TTLL5: variants seen among roughly 807,000 people sequenced by gnomAD.
TTLL5 encodes tubulin tyrosine ligase like 5.
TTLL5 carries 132 observed loss-of-function variants against 168.4 expected under a neutral mutation model. The ratio of observed to expected loss-of-function variants is 0.78; its 90% confidence interval spans 0.68 to 0.91. The LOEUF (loss-of-function observed/expected upper bound fraction) is 0.91. Among genes scored for constraint, TTLL5 ranks in the 40% least tolerant of loss-of-function variants. TTLL5 has a pLI of 0.00. For synonymous variants in TTLL5, 546 were observed against 558.6 expected (o/e 0.98, Z 0.32); for missense variants, 1,545 against 1,581.5 (o/e 0.98, Z 0.39).
chr14:75,930,627 G>T (rs117930465), intron 31 of TTLL5: 20,470 of 985,248 alleles, frequency 0.021, 225 homozygotes, highest in Non-Finnish European at 0.023. Context: ...GGAACAAGTG[G>T]ATCAGAGGTC....
chr14:75,717,792 A>G, intron 9 of TTLL5, 69 bp from the exon 10 acceptor site: 1 of 1,428,754 alleles, frequency 7.0e-7, no homozygotes, highest in Non-Finnish European at 9.8e-7. Context: ...TATCTCATTG[A>G]TCCTCAGTTC....
chr14:75,664,932 G>A (rs1476909093), intron 2 of TTLL5, among the ~76,000 whole-genome samples: 1 of 152,170 alleles, frequency 6.6e-6, no homozygotes, highest in Admixed American at 6.5e-5. Flanking sequence ...TGCCATTTTG[G>A]TAGGTCAGAA....
chr14:75,877,531 T>G (rs948733410), intron 29 of TTLL5, among the ~76,000 whole-genome samples: 2 of 152,174 alleles, frequency 1.3e-5, no homozygotes, highest in Non-Finnish European at 2.9e-5. Context: ...TATGGCTGTT[T>G]CCCACACCCA....
In TTLL5 at chr14:75,779,533, G is replaced by C. The variant is rs755795321; in HGVS notation, c.2388-42G>C. On this transcript the variant is annotated intron_variant, in intron 23 of 31. Coordinates refer to ENST00000298832, the MANE Select transcript of TTLL5 (RefSeq NM_015072.5). ...TAAAATCTGGTGGAAAGATTTTCCAGAATAGCTTCCTGTCTGACCATACTT... is the reference window on the plus strand; with the variant it reads ...TAAAATCTGGTGGAAAGATTTTCCACAATAGCTTCCTGTCTGACCATACTT... 4.4e-6 allele frequency: 7 copies of C among 1,591,938 alleles called. No homozygotes were observed. The East Asian group carries it at 1.1e-4, about 26-fold the overall frequency.
intron 15 of TTLL5, among the ~76,000 whole-genome samples, chr14:75,743,770 A>G (rs1889423266): frequency 6.6e-6 from 1 of 151,596 alleles, no homozygotes; most frequent in African/African-American, 2.4e-5. Context: ...TTTAGTAGAG[A>G]TGGGGTTTCA....
chr14:75,719,961 C>T (rs998603653), intron 11 of TTLL5, 135 bp downstream of exon 11: 1 of 918,152 alleles, frequency 1.1e-6, no homozygotes, highest in South Asian at 1.5e-5. Flanking sequence ...TTACTTTTTC[C>T]TGCAGTTGAC....
At chr14:75,677,320 A>C (rs1594853327) in intron 3 of TTLL5, among the ~76,000 whole-genome samples, 1 of 151,770 alleles carries the variant, frequency 6.6e-6, no homozygotes, top group Admixed American at 6.6e-5. Flanking sequence ...TGAAGGCTAC[A>C]GGGAGGAAGT....
chr14:75,863,933 A>AAAAAAAC, intron 29 of TTLL5, 71 bp downstream of exon 29: 3 of 1,268,258 alleles, frequency 2.4e-6, no homozygotes, highest in Non-Finnish European at 3.1e-6. Flanking sequence ...AAAAAAAAAA[A>AAAAAAAC]AGGTCAGTGA....
intron 29 of TTLL5, among the ~76,000 whole-genome samples, chr14:75,882,184 A>G (rs1011732560): frequency 3.3e-5 from 5 of 151,918 alleles, no homozygotes; most frequent in Admixed American, 1.3e-4. Context: ...ATCTTTCTGT[A>G]TTGCTCACCA....
At chr14:75,942,362 ATCAG>A (rs2034637095) in intron 31 of TTLL5, among the ~76,000 whole-genome samples, 1 of 152,178 alleles carries the variant, frequency 6.6e-6, no homozygotes, top group African/African-American at 2.4e-5. Flanking sequence ...GCTATTGATC[ATCAG>A]TCAATCAACT....
chr14:75,951,367 C>G (rs1480598450), intron 31 of TTLL5, among the ~76,000 whole-genome samples: 2 of 152,040 alleles, frequency 1.3e-5, no homozygotes, highest in African/African-American at 2.4e-5. Flanking sequence ...AAATACATAA[C>G]CTTTTCTGTA....
intron 28 of TTLL5, among the ~76,000 whole-genome samples, chr14:75,828,417 C>T (rs1003945117): frequency 3.3e-5 from 5 of 151,916 alleles, no homozygotes; most frequent in Admixed American, 1.3e-4. Flanking sequence ...TATTTCTCTT[C>T]CTTATGATTT....
At chr14:75,798,478 C>A (rs749244818) in intron 27 of TTLL5, among the ~76,000 whole-genome samples, 1 of 151,036 alleles carries the variant, frequency 6.6e-6, no homozygotes, top group African/African-American at 2.4e-5. Flanking sequence ...ATGCTCTGAT[C>A]TTTGTTATTT....
chr14:75,902,678 A>G (rs2032977014), intron 31 of TTLL5: 17 of 454,644 alleles, frequency 3.7e-5, no homozygotes, highest in South Asian at 2.6e-4. Flanking sequence ...TCTTTGATCT[A>G]CGTGTTGTGC....
At chr14:75,816,226 A>G (rs1042757096) in intron 27 of TTLL5, among the ~76,000 whole-genome samples, 10 of 152,234 alleles carry the variant, frequency 6.6e-5, no homozygotes, top group African/African-American at 2.2e-4. Flanking sequence ...GTCAGGGGTT[A>G]CCAGCCTGGC....
At chr14:75,932,661 T>C (rs2034312740) in intron 31 of TTLL5, among the ~76,000 whole-genome samples, 1 of 152,250 alleles carries the variant, frequency 6.6e-6, no homozygotes, top group Admixed American at 6.5e-5. Context: ...TTCTCATTCC[T>C]GGCACTTAGT....
intron 5 of TTLL5, among the ~76,000 whole-genome samples, chr14:75,686,538 A>G (rs975205368): frequency 6.6e-6 from 1 of 152,230 alleles, no homozygotes; most frequent in Non-Finnish European, 1.5e-5. Context: ...CTATGGCAAT[A>G]CATTTATAAA....
chr14:75,799,852 T>A (rs150321184), intron 27 of TTLL5, among the ~76,000 whole-genome samples: 2 of 152,292 alleles, frequency 1.3e-5, no homozygotes, highest in East Asian at 1.9e-4. Flanking sequence ...ATCTAATAGG[T>A]TTTCCTTTAT....
intron 3 of TTLL5, among the ~76,000 whole-genome samples, chr14:75,675,786 A>G (rs1213046597): frequency 6.6e-6 from 1 of 152,206 alleles, no homozygotes; most frequent in Non-Finnish European, 1.5e-5. Context: ...CCAGGTACAT[A>G]TTAGTCAGGG....
Sources: allele counts gnomAD v4.1 joint callset (sites outside exome capture counted in the v4.1 genomes callset), GRCh38; gene constraint gnomAD v4.1.1; transcripts MANE v1.5; gene names NCBI Gene and HGNC (gene_info 2026-07-23, HGNC 2026-07-21).